CCDC178: variants seen among roughly 807,000 people sequenced by gnomAD.
CCDC178 encodes coiled-coil domain-containing protein 178.
CCDC178 carries 126 observed loss-of-function variants against 117.4 expected under a neutral mutation model. The ratio of observed to expected loss-of-function variants is 1.07; its 90% confidence interval spans 0.93 to 1.24. CCDC178 has a LOEUF of 1.24. Among genes scored for constraint, CCDC178 ranks in the 50% most tolerant of loss-of-function variants. CCDC178 has a pLI of 0.00. For missense variants in CCDC178, 1,030 were observed against 986.9 expected (o/e 1.04, Z -0.59); for synonymous variants, 283 against 313.4 (o/e 0.90, Z 1.02).
At chr18:33,351,148 A>ATATG (rs1555690740) in intron 7 of CCDC178, among the ~76,000 whole-genome samples, 1 of 138,088 alleles carries the variant, frequency 7.2e-6, no homozygotes, top group Non-Finnish European at 1.5e-5. Flanking sequence ...ACTGATCATG[A>ATATG]TGTGTGTGTG....
At chr18:33,104,542 C>T (rs371341241) in intron 20 of CCDC178, among the ~76,000 whole-genome samples, 88 of 151,794 alleles carry the variant, frequency 5.8e-4, no homozygotes, top group African/African-American at 2.0e-3. Flanking sequence ...TCTTGTCACT[C>T]CTGAAAACAC....
intron 11 of CCDC178, among the ~76,000 whole-genome samples, chr18:33,320,277 C>T (rs1032238808): frequency 6.6e-6 from 1 of 152,132 alleles, no homozygotes; most frequent in African/African-American, 2.4e-5. Flanking sequence ...AAAGTGTATT[C>T]AATTAGGAAA....
chr18:33,109,111 C>A (rs975399603), intron 20 of CCDC178, among the ~76,000 whole-genome samples: 1 of 151,616 alleles, frequency 6.6e-6, no homozygotes, highest in African/African-American at 2.4e-5. Flanking sequence ...AAGTAAGATT[C>A]AAGTATGACA....
chr18:33,085,822 G>GA (rs1216915487), intron 21 of CCDC178, among the ~76,000 whole-genome samples: 1 of 151,580 alleles, frequency 6.6e-6, no homozygotes, highest in Non-Finnish European at 1.5e-5. Flanking sequence ...AAATTTTGAA[G>GA]AAAAAAGAAA....
At chr18:33,397,042 A>G in intron 4 of CCDC178, 107 bp downstream of exon 4, 1 of 707,472 alleles carries the variant, frequency 1.4e-6, no homozygotes, top group Non-Finnish European at 2.4e-6. Flanking sequence ...TCAATTAGGA[A>G]GAACAGAAGA....
At chr18:33,314,981 C>T (rs1358677561) in intron 11 of CCDC178, among the ~76,000 whole-genome samples, 3 of 152,108 alleles carry the variant, frequency 2.0e-5, no homozygotes, top group Non-Finnish European at 4.4e-5. Flanking sequence ...CACCGAATCC[C>T]CAGAGAAGTC....
At chr18:33,400,568 C>T (rs2063696346) in intron 3 of CCDC178, among the ~76,000 whole-genome samples, 1 of 152,150 alleles carries the variant, frequency 6.6e-6, no homozygotes, top group Admixed American at 6.5e-5. Context: ...CCAACTTCTG[C>T]AAGCTTCCAA....
intron 20 of CCDC178, among the ~76,000 whole-genome samples, chr18:33,161,929 T>C (rs1479777176): frequency 1.4e-4 from 21 of 152,208 alleles, no homozygotes; most frequent in Admixed American, 1.4e-3. Context: ...TTTGGGTATA[T>C]ACCCAGTAAT....
At chr18:33,142,100 G>A (rs560340035) in intron 20 of CCDC178, among the ~76,000 whole-genome samples, 71 of 152,106 alleles carry the variant, frequency 4.7e-4, no homozygotes, top group Non-Finnish European at 8.5e-4. Context: ...AGCTGAACAC[G>A]ACTGTAATCA....
intron 11 of CCDC178, among the ~76,000 whole-genome samples, chr18:33,312,977 T>C (rs1422807810): frequency 6.6e-6 from 1 of 152,148 alleles, no homozygotes; most frequent in Non-Finnish European, 1.5e-5. Context: ...GGTTCACCAA[T>C]GGGAGTAGCT....
At chr18:33,380,422 A>T (rs1302774190) in intron 5 of CCDC178, among the ~76,000 whole-genome samples, 1 of 152,188 alleles carries the variant, frequency 6.6e-6, no homozygotes, top group Non-Finnish European at 1.5e-5. Context: ...CACCCAGATT[A>T]AAAATGGCCT....
intron 20 of CCDC178, among the ~76,000 whole-genome samples, chr18:33,207,453 T>C (rs1324986258): frequency 6.6e-6 from 1 of 151,612 alleles, no homozygotes; most frequent in Non-Finnish European, 1.5e-5. Flanking sequence ...ATTTTTGCTG[T>C]TACTCCACAG....
At chr18:33,368,254 GTACA>G (rs2063243846) in intron 6 of CCDC178, among the ~76,000 whole-genome samples, 1 of 151,920 alleles carries the variant, frequency 6.6e-6, no homozygotes, top group African/African-American at 2.4e-5. Context: ...GAGAGGTTAG[GTACA>G]TAAATCACCA....
At chr18:33,146,547 G>A (rs1441736081) in intron 20 of CCDC178, among the ~76,000 whole-genome samples, 1 of 152,150 alleles carries the variant, frequency 6.6e-6, no homozygotes, top group Non-Finnish European at 1.5e-5. Context: ...AGCTACATGG[G>A]AGGCTGAGGC....
At chr18:33,381,584 TCTA>T (rs2063439548) in intron 5 of CCDC178, among the ~76,000 whole-genome samples, 3 of 152,218 alleles carry the variant, frequency 2.0e-5, no homozygotes, top group African/African-American at 7.2e-5. Flanking sequence ...CACATTCTAT[TCTA>T]CTTTCTTAAA....
At chr18:33,107,073 C>A (rs529195417) in intron 20 of CCDC178, among the ~76,000 whole-genome samples, 52 of 151,804 alleles carry the variant, frequency 3.4e-4, no homozygotes, top group Non-Finnish European at 5.8e-4. Flanking sequence ...GCCCTGGCAA[C>A]AACTTGACTT....
At chr18:33,185,460 T>C (rs150294455) in intron 20 of CCDC178, among the ~76,000 whole-genome samples, 3 of 152,198 alleles carry the variant, frequency 2.0e-5, no homozygotes, top group East Asian at 1.9e-4. Flanking sequence ...TAAATCATTA[T>C]ACTCCAGTAT....
intron 21 of CCDC178, among the ~76,000 whole-genome samples, chr18:33,028,646 T>C (rs1420633486): frequency 6.6e-6 from 1 of 151,844 alleles, no homozygotes; most frequent in African/African-American, 2.4e-5. Context: ...ATGTTAGTTG[T>C]GGGTTTTGTT....
At chr18:33,062,288 T>C (rs2093406472) in intron 21 of CCDC178, among the ~76,000 whole-genome samples, 1 of 152,164 alleles carries the variant, frequency 6.6e-6, no homozygotes, top group Admixed American at 6.5e-5. Flanking sequence ...GTATGAAATA[T>C]AATCTGACCA....
Sources: allele counts gnomAD v4.1 joint callset (sites outside exome capture counted in the v4.1 genomes callset), GRCh38; gene constraint gnomAD v4.1.1; transcripts MANE v1.5; gene names NCBI Gene and HGNC (gene_info 2026-07-23, HGNC 2026-07-21).